The following EML5 variants were observed in gnomAD, a reference collection of about 807,000 sequenced individuals.
The protein encoded by EML5 is EMAP like 5.
EML5 carries 120 observed loss-of-function variants against 250.0 expected under a neutral mutation model. That is an observed-to-expected ratio of 0.48 (90% confidence interval 0.41 to 0.56). The LOEUF (loss-of-function observed/expected upper bound fraction) is 0.56, where lower values mean the gene tolerates loss of function less well. Ranked by LOEUF, EML5 falls within the 20% of genes least tolerant of loss-of-function variation. The pLI, the probability that EML5 is intolerant of heterozygous loss-of-function variation, is 0.00. For missense variants in EML5, 2,006 were observed against 2,437.6 expected, an observed-to-expected ratio of 0.82 and a Z score of 3.73; for synonymous variants, 771 against 806.5, an observed-to-expected ratio of 0.96 and a Z score of 0.75.
intron 13 of EML5, among the ~76,000 whole-genome samples, chr14:88,703,602 G>A (rs982155286): frequency 6.6e-6 from 1 of 152,130 alleles, no homozygotes; most frequent in Non-Finnish European, 1.5e-5. Flanking sequence ...AAAAATACTT[G>A]TACTAATTAA....
chr14:88,760,366 C>T (rs1354334498), intron 1 of EML5, among the ~76,000 whole-genome samples: 1 of 140,276 alleles, frequency 7.1e-6, no homozygotes, highest in African/African-American at 2.7e-5. Flanking sequence ...TTGTTTTTTG[C>T]TGTCTTTATG....
In EML5 at chr14:88,788,422, A is replaced by T. The variant is rs75032425; in HGVS notation, c.197+3885T>A. Among the ~76,000 whole-genome samples the T allele has an allele frequency of 9.7e-4, 148 of 152,328 alleles. 5 individuals are homozygous for T. The East Asian group carries it at 0.027, about 28-fold the overall frequency. Reference sequence around the variant, plus strand: ...TTTTAAAAAAGCCATACATAGAAGCAATGAACAGTTATTATTTTAACCTGC... The same window carrying T: ...TTTTAAAAAAGCCATACATAGAAGCTATGAACAGTTATTATTTTAACCTGC... On this transcript the variant is annotated intron_variant, in intron 1 of 43. Transcript: ENST00000554922.
At chr14:88,697,988 C>T (rs550331849) in intron 14 of EML5, among the ~76,000 whole-genome samples, 10 of 152,202 alleles carry the variant, frequency 6.6e-5, no homozygotes, top group East Asian at 5.8e-4. Flanking sequence ...CTGCCTGCCT[C>T]GGCCTCCCAA....
intron 1 of EML5, among the ~76,000 whole-genome samples, chr14:88,772,352 T>TA (rs1371090814): frequency 2.0e-5 from 3 of 152,208 alleles, no homozygotes; most frequent in Non-Finnish European, 4.4e-5. Flanking sequence ...AGGTGATCTT[T>TA]AAAAATAACA....
intron 1 of EML5, among the ~76,000 whole-genome samples, chr14:88,782,854 T>C (rs943758148): frequency 6.6e-6 from 1 of 152,058 alleles, no homozygotes; most frequent in Non-Finnish European, 1.5e-5. Context: ...CTGAGGTGGG[T>C]GGATCACCTG....
chr14:88,750,493 T>C (rs570724084), intron 2 of EML5, among the ~76,000 whole-genome samples: 1 of 152,248 alleles, frequency 6.6e-6, no homozygotes, highest in South Asian at 2.1e-4. Flanking sequence ...CTTAAAGGAG[T>C]TAGAGTGCCT....
At chr14:88,721,306 C>G (rs1226095643) in intron 8 of EML5, among the ~76,000 whole-genome samples, 1 of 152,102 alleles carries the variant, frequency 6.6e-6, no homozygotes, top group Non-Finnish European at 1.5e-5. Flanking sequence ...CCCGTACAGC[C>G]AAGTCAATCC....
rs1223400052 is a variant in EML5 at position 88,665,372 on chromosome 14, C to T, written c.3242G>A (p.Arg1081Lys). 6.2e-7 allele frequency: 1 copy of T among 1,613,504 alleles called. No individual in the cohort carries two copies. The highest frequency in any genetic ancestry group is 8.5e-7 in the Non-Finnish European group (1 of 1,179,716). Residue 1081 changes from arginine (R) to lysine (K), a missense_variant, in exon 22 of 44, where the codon AGA becomes AAA. Arg to Lys is a conservative substitution (Grantham distance 26, BLOSUM62 2). Coordinates refer to ENST00000554922, the MANE Select transcript of EML5 (RefSeq NM_183387.3). ...TCGAATATCTGAAATCATATCTTTT[C>T]TGTGATGAAAAGACACAAGATCCTC... ...TLEDLVSFHHRKDMISDIRFS... is the reference protein window; with the variant it reads ...TLEDLVSFHHKKDMISDIRFS...
intron 21 of EML5, among the ~76,000 whole-genome samples, chr14:88,672,302 G>C (rs1171234007): frequency 3.3e-5 from 5 of 152,070 alleles, no homozygotes; most frequent in Non-Finnish European, 7.4e-5. Flanking sequence ...TGACTCCTGG[G>C]TAAATAATGA....
At chr14:88,738,843 G>A in intron 6 of EML5, 36 bp downstream of exon 6, 1 of 1,537,520 alleles carries the variant, frequency 6.5e-7, no homozygotes, top group Non-Finnish European at 8.7e-7. Flanking sequence ...GAAGTTTAGA[G>A]TTTGCCTAGT....
At chr14:88,785,278 G>T (rs1566802264) in intron 1 of EML5, among the ~76,000 whole-genome samples, 1 of 152,086 alleles carries the variant, frequency 6.6e-6, no homozygotes, top group Non-Finnish European at 1.5e-5. Context: ...TGGCACAACA[G>T]GGTGACTATA....
At chr14:88,656,673 T>G (rs1439555757) in intron 27 of EML5, among the ~76,000 whole-genome samples, 1 of 152,184 alleles carries the variant, frequency 6.6e-6, no homozygotes, top group Non-Finnish European at 1.5e-5. Context: ...TACTTTTTTA[T>G]TTGCTGATTC....
At chr14:88,783,810 G>C (rs1410894164) in intron 1 of EML5, among the ~76,000 whole-genome samples, 2 of 152,158 alleles carry the variant, frequency 1.3e-5, no homozygotes, top group Admixed American at 6.6e-5. Context: ...AGACCAAATG[G>C]ATCTAATAGA....
chr14:88,701,085 G>A (rs2093199259), intron 14 of EML5, among the ~76,000 whole-genome samples: 1 of 151,894 alleles, frequency 6.6e-6, no homozygotes, highest in African/African-American at 2.4e-5. Flanking sequence ...GATTCTACTG[G>A]GCAAAATTAA....
chr14:88,740,444 C>G lies in EML5; in HGVS notation c.654G>C (p.Gly218=). The G allele has an allele frequency of 6.2e-7, 1 of 1,613,698 alleles. No homozygotes were observed. The highest frequency in any genetic ancestry group is 8.5e-7 in the Non-Finnish European group (1 of 1,179,780). ...TGATTCCTTTCCAAACATATATATC[C>G]CCATTGAGTGCACCAGAATATGTTA... ...DELTYSGALN[G]DIYVWKGINL... Residue 218 remains glycine, a synonymous_variant, in exon 5 of 44, where the codon GGG becomes GGC. Transcript: ENST00000554922.
chr14:88,685,215 A>C, intron 19 of EML5, 73 bp from the exon 20 acceptor site: 3 of 1,290,596 alleles, frequency 2.3e-6, no homozygotes, highest in Non-Finnish European at 3.1e-6. Context: ...ATTGCCAATT[A>C]AGCTATTTTG....
intron 5 of EML5, 42 bp downstream of exon 5, chr14:88,740,345 G>T: frequency 6.6e-7 from 1 of 1,517,534 alleles, no homozygotes; most frequent in Non-Finnish European, 9.0e-7. Context: ...ACAAGGTTAA[G>T]TAATACACAT....
chr14:88,726,852 G>A (rs958218695), intron 7 of EML5, among the ~76,000 whole-genome samples, 174 bp from the exon 8 acceptor site: 8 of 152,160 alleles, frequency 5.3e-5, no homozygotes, highest in African/African-American at 1.7e-4. Context: ...TTAAATGACA[G>A]AAGTTGATAG....
chr14:88,638,437 T>A (rs2140562325), intron 32 of EML5, among the ~76,000 whole-genome samples: 1 of 152,316 alleles, frequency 6.6e-6, no homozygotes, highest in Non-Finnish European at 1.5e-5. Flanking sequence ...CCCCGCCCAG[T>A]CTAGTTATTT....
Sources: allele counts gnomAD v4.1 joint callset (sites outside exome capture counted in the v4.1 genomes callset), GRCh38; gene constraint gnomAD v4.1.1; transcripts MANE v1.5; gene names NCBI Gene and HGNC (gene_info 2026-07-23, HGNC 2026-07-21).